PPP2R2B: variants seen among roughly 807,000 people sequenced by gnomAD.
PPP2R2B encodes the protein serine/threonine-protein phosphatase 2A 55 kDa regulatory subunit B beta isoform.
In PPP2R2B, 5 loss-of-function variants were observed where a neutral mutation model predicts 46.0. The ratio of observed to expected loss-of-function variants is 0.11; its 90% confidence interval spans 0.06 to 0.23. PPP2R2B has a LOEUF of 0.23. PPP2R2B is among the 10% of genes least tolerant of loss of function. PPP2R2B has a pLI of 1.00. For synonymous variants in PPP2R2B, 215 were observed against 206.7 expected (o/e 1.04, Z -0.34); for missense variants, 367 against 575.0 (o/e 0.64, Z 3.70).
chr5:146,615,514 T>TTAAAAAAAAAAAAAAAAAAAAAAAAAAA (rs1773076664), intron 7 of PPP2R2B, among the ~76,000 whole-genome samples: 1 of 83,252 alleles, frequency 1.2e-5, no homozygotes, highest in Non-Finnish European at 2.3e-5. Context: ...AAAAAAAAAA[T>TTAAAAAAAAAAAAAAAAAAAAAAAAAAA]TAAAAAAAAA....
chr5:146,729,412 C>A (rs1430263116), intron 2 of PPP2R2B, among the ~76,000 whole-genome samples: 1 of 152,132 alleles, frequency 6.6e-6, no homozygotes, highest in Non-Finnish European at 1.5e-5. Context: ...TATGCAAAAA[C>A]CCATTTTCTG....
At chr5:146,900,583 CTTCCTTCCTTCT>C (rs1440149294) in intron 1 of PPP2R2B, among the ~76,000 whole-genome samples, 7 of 136,320 alleles carry the variant, frequency 5.1e-5, no homozygotes, top group African/African-American at 8.4e-5. Flanking sequence ...TCCTTCCTTC[CTTCCTTCCTTCT>C]TTCCTTCTTT....
chr5:146,985,017 C>CTTTTTTTTTT (rs34277498), intron 1 of PPP2R2B, among the ~76,000 whole-genome samples: 1 of 99,490 alleles, frequency 1.0e-5, no homozygotes, highest in African/African-American at 3.6e-5. Context: ...TTTTCTTTTT[C>CTTTTTTTTTT]TTTTTTTTTT....
At chr5:147,038,479 C>A (rs912197147) in intron 1 of PPP2R2B, among the ~76,000 whole-genome samples, 1 of 152,092 alleles carries the variant, frequency 6.6e-6, no homozygotes, top group East Asian at 1.9e-4. Context: ...TCAAAGATTT[C>A]AACTGCACCC....
At chr5:146,677,992 T>C (rs1777863038) in intron 5 of PPP2R2B, among the ~76,000 whole-genome samples, 1 of 152,158 alleles carries the variant, frequency 6.6e-6, no homozygotes, top group African/African-American at 2.4e-5. Context: ...TTGTGAACAG[T>C]GATTTGTTTT....
chr5:146,898,132 C>T (rs1762706743), intron 1 of PPP2R2B, among the ~76,000 whole-genome samples: 1 of 152,204 alleles, frequency 6.6e-6, no homozygotes, highest in Non-Finnish European at 1.5e-5. Context: ...TTGCAGTGAA[C>T]TGAGATTGCA....
At chr5:146,793,659 C>T (rs1318292936) in intron 2 of PPP2R2B, among the ~76,000 whole-genome samples, 1 of 152,124 alleles carries the variant, frequency 6.6e-6, no homozygotes, top group Non-Finnish European at 1.5e-5. Flanking sequence ...GAAACCCAGG[C>T]AGTCTGACTC....
At chr5:146,616,208 A>G (rs1221824591) in intron 7 of PPP2R2B, among the ~76,000 whole-genome samples, 2 of 152,214 alleles carry the variant, frequency 1.3e-5, no homozygotes, top group Non-Finnish European at 2.9e-5. Flanking sequence ...CTAGATCCCA[A>G]TCACTCAACA....
At chr5:147,036,658 C>T (rs1332217165) in intron 1 of PPP2R2B, among the ~76,000 whole-genome samples, 5 of 152,300 alleles carry the variant, frequency 3.3e-5, no homozygotes, top group African/African-American at 1.2e-4. Flanking sequence ...CCTTGTTCTC[C>T]ACAACCTCAC....
chr5:146,916,757 T>C (rs1002816821), intron 1 of PPP2R2B, among the ~76,000 whole-genome samples: 10 of 152,152 alleles, frequency 6.6e-5, no homozygotes, highest in African/African-American at 2.2e-4. Context: ...AAAAGCTCAG[T>C]AGTTTCAATT....
chr5:146,766,388 C>T (rs1461048280), intron 2 of PPP2R2B, among the ~76,000 whole-genome samples: 2 of 152,086 alleles, frequency 1.3e-5, no homozygotes, highest in Non-Finnish European at 2.9e-5. Flanking sequence ...AATATTCCAC[C>T]CCAAATAAAC....
chr5:146,738,035 A>G (rs952878191), intron 2 of PPP2R2B, among the ~76,000 whole-genome samples: 1 of 152,066 alleles, frequency 6.6e-6, no homozygotes, highest in South Asian at 2.1e-4. Flanking sequence ...TCAACACATG[A>G]TTGTCACTCT....
chr5:146,958,826 T>C (rs561084051), intron 1 of PPP2R2B, among the ~76,000 whole-genome samples: 2 of 152,204 alleles, frequency 1.3e-5, no homozygotes, highest in Non-Finnish European at 2.9e-5. Flanking sequence ...CTTAGCTCTT[T>C]GTATGTATTA....
At chr5:146,687,391 G>C (rs890720002) in intron 5 of PPP2R2B, among the ~76,000 whole-genome samples, 1 of 151,974 alleles carries the variant, frequency 6.6e-6, no homozygotes, top group African/African-American at 2.4e-5. Flanking sequence ...TAACTGCTTG[G>C]AGCCTCATTT....
At chr5:147,027,955 A>C (rs950165169) in intron 1 of PPP2R2B, among the ~76,000 whole-genome samples, 1 of 152,296 alleles carries the variant, frequency 6.6e-6, no homozygotes, top group South Asian at 2.1e-4. Context: ...TCTTTTTAAC[A>C]AGAGGCAACT....
At chr5:146,755,647 A>G (rs942462791) in intron 2 of PPP2R2B, among the ~76,000 whole-genome samples, 7 of 152,250 alleles carry the variant, frequency 4.6e-5, no homozygotes, top group African/African-American at 1.7e-4. Context: ...GCCAAGTTAT[A>G]TATTAATGCA....
chr5:146,692,658 TGAGTAG>T (rs1349579530), intron 4 of PPP2R2B, among the ~76,000 whole-genome samples: 7 of 151,034 alleles, frequency 4.6e-5, no homozygotes, highest in African/African-American at 1.7e-4. Flanking sequence ...CTCAGCCTCC[TGAGTAG>T]GTGGGACTAC....
At position 146,955,856 on chromosome 5, in the gene PPP2R2B, G is replaced by A. The variant is rs1454992046; in HGVS notation, c.79+99809C>T. On this transcript the variant is annotated intron_variant, in intron 1 of 8. Transcript: ENST00000336640. Reference sequence around the variant, plus strand: ...TGCAGTGGCATGATCTCGTCTCACTGCAGTCTCTACCTCCTGGGTTCAAGC... The same window carrying A: ...TGCAGTGGCATGATCTCGTCTCACTACAGTCTCTACCTCCTGGGTTCAAGC... Among the ~76,000 whole-genome samples the A allele has an allele frequency of 4.2e-5, 6 of 142,596 alleles. No homozygotes were observed. In the East Asian group the frequency reaches 1.3e-3, roughly 30 times the overall value. The allele number at this position is 142,596 out of a possible 152,430, so 93.5% of individuals were successfully genotyped here. A position where few individuals can be genotyped will look rare whatever the true frequency, so the allele number is the denominator to read the frequency against.
At chr5:146,773,151 C>T (rs1347701728) in intron 2 of PPP2R2B, among the ~76,000 whole-genome samples, 1 of 152,188 alleles carries the variant, frequency 6.6e-6, no homozygotes, top group Non-Finnish European at 1.5e-5. Flanking sequence ...AGAACAGAAA[C>T]ACATTACTTC....
Sources: gnomAD v4.1 joint callset for allele counts (sites outside exome capture counted in the v4.1 genomes callset) on GRCh38, gnomAD v4.1.1 for gene constraint, MANE v1.5 for transcripts, NCBI Gene and HGNC (gene_info 2026-07-23, HGNC 2026-07-21) for gene names.